GPIHBP1: variants seen among roughly 807,000 people sequenced by gnomAD.
GPIHBP1 encodes the protein glycosylphosphatidylinositol anchored high density lipoprotein binding protein 1.
Under a neutral mutation model 13.0 loss-of-function variants are expected in GPIHBP1, and 11 were observed. That is an observed-to-expected ratio of 0.84 (90% CI 0.53 to 1.40). The LOEUF (loss-of-function observed/expected upper bound fraction) is 1.40. GPIHBP1 is among the 40% of genes most tolerant of loss of function. The pLI is 0.00. For synonymous variants in GPIHBP1, 106 were observed against 102.2 expected (o/e 1.04, Z -0.22); for missense variants, 231 against 241.1 (o/e 0.96, Z 0.28).
chr8:143,215,116 C>A lies in GPIHBP1; in HGVS notation c.285C>A (p.His95Gln). 1 of 1,612,406 alleles carries A rather than the reference C, an allele frequency of 6.2e-7. No individual in the cohort carries two copies. The highest frequency in any genetic ancestry group is 8.5e-7 in the Non-Finnish European group (1 of 1,179,590). The change falls in exon 3 of 4, where the codon CAC becomes CAA. Residue 95 changes from histidine (H) to glutamine (Q), a missense_variant. Transcript: ENST00000622500. ...AGACCTGCACAACCCTCATTGCCCA[C>A]GGGAACACCGGTAAGTGGGCGTGGG... ...HGQTCTTLIA[H>Q]GNTESGLLTT...
Position 143,214,975 on chromosome 8 carries a change from G to C in GPIHBP1, c.182-38G>C. ...GACAGGGACGTGGGAGGAGACCCTG[G>C]GGGGCCCGGCCTCGGCCTGAGCCCG... On this transcript the variant is annotated intron_variant, in intron 2 of 3. Transcript: ENST00000622500. This position sits in a 1 kb window ranked among gnomAD's most constrained non-coding sequence, Gnocchi z 4.1. 1.4e-6 allele frequency: 2 copies of C among 1,417,254 alleles called. No homozygotes were observed. Among genetic ancestry groups the C allele is most frequent in the Non-Finnish European group, 1.9e-6 (2 of 1,026,564 alleles). The allele number at this position is 1,417,254 out of a possible 1,614,324, so 87.8% of individuals were successfully genotyped here.
Position 143,215,467 on chromosome 8 carries a change from C to T in GPIHBP1, c.504C>T (p.Leu168=), listed in dbSNP as rs775697635. 7 of 1,611,818 alleles carry T rather than the reference C, an allele frequency of 4.3e-6. No individual in the cohort carries two copies. The highest frequency in any genetic ancestry group is 5.9e-6 in the Non-Finnish European group (7 of 1,179,786). The change falls in exon 4 of 4, where the codon CTC becomes CTT. Residue 168 remains leucine, a synonymous_variant. Transcript: ENST00000622500. The part of the protein sequence containing the change: ...RGSSETVGAA[L]LLNLLAGLGA... ...GCTCCGAAACTGTGGGCGCAGCCCT[C>T]CTGCTCAACCTCCTTGCCGGCCTTG...
At position 143,214,361 on chromosome 8, in the gene GPIHBP1, C is replaced by T. The variant is rs1401355034; in HGVS notation, c.181+411C>T. ...GCTGCGGGCTGGGGAGCCAGGGAAC[C>T]GCTTAGAGCAGAGCAGAGTAGGGCT... On this transcript the variant is annotated intron_variant, in intron 2 of 3. Coordinates refer to ENST00000622500, the MANE Select transcript of GPIHBP1 (RefSeq NM_178172.6). This position sits in a 1 kb window ranked among gnomAD's most constrained non-coding sequence, Gnocchi z 4.1. Among the ~76,000 whole-genome samples the T allele has an allele frequency of 2.0e-5, 3 of 152,040 alleles. No homozygotes were observed. The highest frequency in any genetic ancestry group is 2.1e-4 in the South Asian group (1 of 4,826).
rs751963282 is a variant in GPIHBP1, at chr8:143,215,050, G to C, written c.219G>C (p.Arg73Ser). 1 of 1,602,858 alleles carries C rather than the reference G, an allele frequency of 6.2e-7. No individual in the cohort carries two copies. The highest frequency in any genetic ancestry group is 8.5e-7 in the Non-Finnish European group (1 of 1,175,628). Residue 73 changes from arginine (R) to serine (S), a missense_variant, in exon 3 of 4, where the codon AGG (arginine) becomes AGC (serine). Physicochemically the swap from Arg to Ser is moderately radical, Grantham distance 110. Coordinates refer to ENST00000622500, the MANE Select transcript of GPIHBP1 (RefSeq NM_178172.6). ...LRCYTCKSLP[R>S]DERCNLTQNC... is the part of the protein sequence containing the mutation. The stretch of plus-strand genomic sequence containing the variant: ...GCTACACCTGCAAGTCCCTGCCCAG[G>C]GACGAGCGCTGCAACCTGACGCAGA...
chr8:143,213,884 G>C lies in GPIHBP1; in HGVS notation c.115G>C (p.Asp39His). ...EDEDHGPDDY[D>H]EEDEDEVEEE... ...CGAGGACCACGGGCCAGATGACTAC[G>C]ACGAGGAAGATGAGGATGAGGTGGA... Residue 39 changes from aspartate (D) to histidine (H), a missense_variant, in exon 2 of 4, where the codon GAC becomes CAC. Transcript: ENST00000622500. The C allele has an allele frequency of 1.9e-6, 3 of 1,552,678 alleles. No individual in the cohort carries two copies. Among genetic ancestry groups the C allele is most frequent in the Non-Finnish European group, 2.6e-6 (3 of 1,147,656 alleles).
In GPIHBP1 at chr8:143,214,309, C is replaced by T. The variant is rs1258040301; in HGVS notation, c.181+359C>T. ...AGAGAGAGCAGCAGGGTGGGCCGGT[C>T]CTGTACAGGGGAGGGCTGGATTGGC... On this transcript the variant is annotated intron_variant, in intron 2 of 3. Transcript: ENST00000622500. This position sits in a 1 kb window ranked among gnomAD's most constrained non-coding sequence, Gnocchi z 4.1. 6.6e-6 allele frequency among the ~76,000 whole-genome samples: 1 copy of T among 151,984 alleles called. No individual in the cohort carries two copies. Among genetic ancestry groups the T allele is most frequent in the Non-Finnish European group, 1.5e-5 (1 of 67,986 alleles).
rs1175713125 is a variant in GPIHBP1 at position 143,216,812 on chromosome 8, C to T, written c.*1294C>T. On this transcript the variant is annotated 3_prime_UTR_variant, in exon 4 of 4. Transcript: ENST00000622500. ...CCCCTAGATCCCCACCAGTTCAACA[C>T]TCCATTAACTGGGAAGCCCAGAGTC... 6.6e-6 allele frequency: 1 copy of T among 152,276 alleles called. No individual in the cohort carries two copies. The highest frequency in any genetic ancestry group is 1.5e-5 in the Non-Finnish European group (1 of 68,078). 9.4% of individuals were successfully genotyped at this position (152,276 alleles called of 1,614,324 possible). A position where few individuals can be genotyped will look rare whatever the true frequency, so the allele number is the denominator to read the frequency against.
In GPIHBP1 at chr8:143,213,228, G is replaced by T. The variant is rs1159586352; in HGVS notation, c.-40G>T. 2 of 1,566,194 alleles carry T rather than the reference G, an allele frequency of 1.3e-6. No individual in the cohort carries two copies. The highest frequency in any genetic ancestry group is 1.2e-5 in the South Asian group (1 of 85,836). On this transcript the variant is annotated 5_prime_UTR_variant, in exon 1 of 4. Transcript: ENST00000622500. ...ACTTACCGCAGCTCCAGAGCCCTGC[G>T]GGAGGACTCAGAGTCAGGGACACAG...
At position 143,215,594 on chromosome 8, in the gene GPIHBP1, C is replaced by G; in HGVS notation, c.*76C>G. The G allele has an allele frequency of 8.2e-7, 1 of 1,222,516 alleles. No individual in the cohort carries two copies. Among genetic ancestry groups the G allele is most frequent in the Non-Finnish European group, 1.1e-6 (1 of 881,778 alleles). 75.7% of individuals were successfully genotyped at this position (1,222,516 alleles called of 1,614,324 possible). A position where few individuals can be genotyped will look rare whatever the true frequency, so the allele number is the denominator to read the frequency against. The stretch of plus-strand genomic sequence containing the variant: ...CTCTGTCTGGTACCTTCCCCTCCTG[C>G]CCCTGCACCAGCTTTGGAGAATGGA... On this transcript the variant is annotated 3_prime_UTR_variant, in exon 4 of 4. Transcript: ENST00000622500.
At position 143,214,838 on chromosome 8, in the gene GPIHBP1, G is replaced by T. The variant is rs867287439; in HGVS notation, c.182-175G>T. Among the ~76,000 whole-genome samples, 2 of 152,166 alleles carry T rather than the reference G, an allele frequency of 1.3e-5. No homozygotes were observed. The highest frequency in any genetic ancestry group is 4.8e-5 in the African/African-American group (2 of 41,426). On this transcript the variant is annotated intron_variant, in intron 2 of 3. Transcript: ENST00000622500. The surrounding 1 kb of genome is among the most constrained non-coding windows in gnomAD (Gnocchi z 4.1). ...TTGCCCCCTAAACACACAGGCTCAC[G>T]CACACAGCACAGCTTACAGGACCAA...
In GPIHBP1 at chr8:143,214,989, G is replaced by T. The variant is rs377237094; in HGVS notation, c.182-24G>T. On this transcript the variant is annotated intron_variant, in intron 2 of 3. Coordinates refer to ENST00000622500, the MANE Select transcript of GPIHBP1 (RefSeq NM_178172.6). This position sits in a 1 kb window ranked among gnomAD's most constrained non-coding sequence, Gnocchi z 4.1. ...AGGAGACCCTGGGGGGCCCGGCCTC[G>T]GCCTGAGCCCGCCTTGTCCCCAGTG... 1.5e-5 allele frequency: 22 copies of T among 1,514,064 alleles called. No individual in the cohort carries two copies. In the African/African-American group the frequency reaches 2.4e-4, roughly 16 times the overall value. 93.8% of individuals were successfully genotyped at this position (1,514,064 alleles called of 1,614,324 possible).
At chr8:143,213,689 G>C in intron 1 of GPIHBP1, 133 bp from the exon 2 acceptor site, 1 of 1,192,812 alleles carries the variant, frequency 8.4e-7, no homozygotes, top group Non-Finnish European at 1.2e-6. Context: ...TTCAGGGTAG[G>C]GGCCCTCCCC....
At position 143,216,101 on chromosome 8, in the gene GPIHBP1, G is replaced by A. The variant is rs1003562155; in HGVS notation, c.*583G>A. The A allele has an allele frequency of 1.3e-5, 2 of 150,760 alleles. No homozygotes were observed. Among genetic ancestry groups the A allele is most frequent in the African/African-American group, 2.5e-5 (1 of 40,706 alleles). 9.3% of individuals were successfully genotyped at this position (150,760 alleles called of 1,614,324 possible). A position where few individuals can be genotyped will look rare whatever the true frequency, so the allele number is the denominator to read the frequency against. Reference sequence around the variant, plus strand: ...GGGGTGAGGCCACATGCGGAGGGGCGGGGCGGGGGGGGGCTGGGGGGACAG... The same window carrying A: ...GGGGTGAGGCCACATGCGGAGGGGCAGGGCGGGGGGGGGCTGGGGGGACAG... On this transcript the variant is annotated 3_prime_UTR_variant, in exon 4 of 4. Transcript: ENST00000622500.
In GPIHBP1 at chr8:143,214,573, C is replaced by G. The variant is rs1311346727; in HGVS notation, c.182-440C>G. Among the ~76,000 whole-genome samples the G allele has an allele frequency of 6.9e-6, 1 of 145,064 alleles. No individual in the cohort carries two copies. Among genetic ancestry groups the G allele is most frequent in the Non-Finnish European group, 1.5e-5 (1 of 67,890 alleles). On this transcript the variant is annotated intron_variant, in intron 2 of 3. Transcript: ENST00000622500. This position sits in a 1 kb window ranked among gnomAD's most constrained non-coding sequence, Gnocchi z 4.1. ...TCCCTAGCCAGGGCCCCCAGCATGC[C>G]CCACCACACACAGCCCACCCCCCTC... is the stretch of plus-strand genomic sequence containing the variant.
In GPIHBP1 at chr8:143,216,284, G is replaced by A. The variant is rs1358372538; in HGVS notation, c.*766G>A. ...TGTCACCTTGAGGTGACCATCTAGG[G>A]TCAGTACCTGCTGGGCTTAGGACAG... On this transcript the variant is annotated 3_prime_UTR_variant, in exon 4 of 4. Coordinates refer to ENST00000622500, the MANE Select transcript of GPIHBP1 (RefSeq NM_178172.6). 6.6e-6 allele frequency: 1 copy of A among 152,358 alleles called. No individual in the cohort carries two copies. The highest frequency in any genetic ancestry group is 1.5e-5 in the Non-Finnish European group (1 of 68,256). The allele number at this position is 152,358 out of a possible 1,614,324, so 9.4% of individuals were successfully genotyped here. A position where few individuals can be genotyped will look rare whatever the true frequency, so the allele number is the denominator to read the frequency against.
At position 143,216,284 on chromosome 8, in the gene GPIHBP1, GT is replaced by G. The variant is rs1159478050; in HGVS notation, c.*767del. 26,030 of 152,426 alleles carry G rather than the reference GT, an allele frequency of 0.17. 2,417 individuals are homozygous for G. The highest frequency in any genetic ancestry group is 0.26 in the Middle Eastern group (77 of 292). 9.4% of individuals were successfully genotyped at this position (152,426 alleles called of 1,614,324 possible). On this transcript the variant is annotated 3_prime_UTR_variant, in exon 4 of 4. Coordinates refer to ENST00000622500, the MANE Select transcript of GPIHBP1 (RefSeq NM_178172.6). ...TGTCACCTTGAGGTGACCATCTAGGGTCAGTACCTGCTGGGCTTAGGACAGC... is the reference window on the plus strand; with the variant it reads ...TGTCACCTTGAGGTGACCATCTAGGGCAGTACCTGCTGGGCTTAGGACAGC...
chr8:143,215,469 T>C lies in GPIHBP1; in HGVS notation c.506T>C (p.Leu169Pro). The change falls in exon 4 of 4, where the codon CTG (leucine) becomes CCG (proline). Residue 169 changes from leucine (L) to proline (P), a missense_variant. Physicochemically the swap from Leu to Pro is moderately conservative, Grantham distance 98 (BLOSUM62 -3). Coordinates refer to ENST00000622500, the MANE Select transcript of GPIHBP1 (RefSeq NM_178172.6). ...GSSETVGAAL[L>P]LNLLAGLGAM... ...TCCGAAACTGTGGGCGCAGCCCTCCTGCTCAACCTCCTTGCCGGCCTTGGA... is the reference window on the plus strand; with the variant it reads ...TCCGAAACTGTGGGCGCAGCCCTCCCGCTCAACCTCCTTGCCGGCCTTGGA... 6.2e-7 allele frequency: 1 copy of C among 1,611,960 alleles called. No homozygotes were observed. Among genetic ancestry groups the C allele is most frequent in the Non-Finnish European group, 8.5e-7 (1 of 1,179,774 alleles).
At position 143,215,132 on chromosome 8, in the gene GPIHBP1, T is replaced by G; in HGVS notation, c.295+6T>G. The G allele has an allele frequency of 1.2e-6, 2 of 1,611,992 alleles. No individual in the cohort carries two copies. Among genetic ancestry groups the G allele is most frequent in the Non-Finnish European group, 1.7e-6 (2 of 1,179,292 alleles). On this transcript the variant is annotated splice_donor_region_variant and intron_variant, in intron 3 of 3. Coordinates refer to ENST00000622500, the MANE Select transcript of GPIHBP1 (RefSeq NM_178172.6). Reference sequence around the variant, plus strand: ...CATTGCCCACGGGAACACCGGTAAGTGGGCGTGGGGCCGCAGCACATGCAC... The same window carrying G: ...CATTGCCCACGGGAACACCGGTAAGGGGGCGTGGGGCCGCAGCACATGCAC...
At position 143,216,114 on chromosome 8, in the gene GPIHBP1, GC is replaced by G. The variant is rs1816306835; in HGVS notation, c.*597del. The G allele has an allele frequency of 7.2e-6, 1 of 139,038 alleles. No homozygotes were observed. The allele number at this position is 139,038 out of a possible 1,614,324, so 8.6% of individuals were successfully genotyped here. ...ATGCGGAGGGGCGGGGCGGGGGGGGGCTGGGGGGACAGGCACCAAGTATGAA... is the reference window on the plus strand; with the variant it reads ...ATGCGGAGGGGCGGGGCGGGGGGGGGTGGGGGGACAGGCACCAAGTATGAA... On this transcript the variant is annotated 3_prime_UTR_variant, in exon 4 of 4. Transcript: ENST00000622500.
Sources: allele counts gnomAD v4.1 joint callset (sites outside exome capture counted in the v4.1 genomes callset), GRCh38; gene constraint gnomAD v4.1.1; non-coding constraint Gnocchi (gnomAD v3.1); transcripts MANE v1.5; gene names NCBI Gene and HGNC (gene_info 2026-07-23, HGNC 2026-07-21).